Variants in C7orf33 observed in about 807,000 individuals in gnomAD.
The protein encoded by C7orf33 is uncharacterized protein C7orf33.
A neutral mutation model predicts 13.4 loss-of-function variants in C7orf33; 15 were observed. The ratio of observed to expected loss-of-function variants is 1.12; its 90% CI spans 0.75 to 1.72. The LOEUF (loss-of-function observed/expected upper bound fraction) is 1.72. Among genes scored for constraint, C7orf33 ranks in the 40% most tolerant of loss-of-function variants. The probability of loss-of-function intolerance (pLI) is 0.00; values close to 1 mark genes in which losing one functional copy is unlikely to be tolerated. For missense variants in C7orf33, 187 were observed against 220.3 expected (o/e 0.85, Z 0.96); for synonymous variants, 73 against 83.2 (o/e 0.88, Z 0.67).
intron 1 of C7orf33, among the ~76,000 whole-genome samples, chr7:148,602,413 A>G (rs1228555700): frequency 6.6e-6 from 1 of 152,150 alleles, no homozygotes; most frequent in Non-Finnish European, 1.5e-5. Context: ...CCTAGCCAAC[A>G]TAGTGAAACC....
intron 1 of C7orf33, among the ~76,000 whole-genome samples, chr7:148,606,143 G>C (rs988318590): frequency 2.0e-5 from 3 of 152,186 alleles, no homozygotes; most frequent in Non-Finnish European, 2.9e-5. Context: ...GACAGATAAG[G>C]CTCGCTCTGC....
intron 1 of C7orf33, among the ~76,000 whole-genome samples, chr7:148,600,019 G>T (rs1796394501): frequency 6.6e-6 from 1 of 152,196 alleles, no homozygotes; most frequent in African/African-American, 2.4e-5. Flanking sequence ...TCGATCCCTG[G>T]AAATGAACTT....
intron 1 of C7orf33, among the ~76,000 whole-genome samples, chr7:148,598,757 TATATATAGAGAGAGAGAGAGAGAGAG>T (rs1479422724): frequency 1.9e-3 from 78 of 41,318 alleles, no homozygotes; most frequent in African/African-American, 0.01. Flanking sequence ...TATATATATA[TATATATAGAGAGAGAGAGAGAGAGAG>T]AGAGAGAGAG....
chr7:148,613,920 T>C (rs1796573614), intron 1 of C7orf33, 122 bp from the exon 2 acceptor site: 1 of 1,020,146 alleles, frequency 9.8e-7, no homozygotes, highest in Admixed American at 2.3e-5. Flanking sequence ...ATCTTTAGGC[T>C]ATTTCATGTG....
chr7:148,595,324 T>C (rs1167110898), intron 1 of C7orf33, among the ~76,000 whole-genome samples: 1 of 140,036 alleles, frequency 7.1e-6, no homozygotes, highest in East Asian at 2.0e-4. Flanking sequence ...AATATAGATA[T>C]ATCTATATAA....
chr7:148,613,919 C>T (rs1796573579), intron 1 of C7orf33, 123 bp from the exon 2 acceptor site: 5 of 1,011,018 alleles, frequency 4.9e-6, no homozygotes, highest in East Asian at 2.4e-5. Context: ...AATCTTTAGG[C>T]TATTTCATGT....
At position 148,610,779 on chromosome 7, in the gene C7orf33, G is replaced by A. The variant is rs73463416; in HGVS notation, c.205-3263G>A. Among the ~76,000 whole-genome samples, 335 of 152,152 alleles carry A rather than the reference G, an allele frequency of 2.2e-3. 1 individual carries two copies. The highest frequency in any genetic ancestry group is 7.8e-3 in the African/African-American group (324 of 41,518). Reference sequence around the variant, plus strand: ...GGTAAAGGGACAGCAATGGGGCAGGGCTAGTTAAAAAACAAGATGAGAGCA... The same window carrying A: ...GGTAAAGGGACAGCAATGGGGCAGGACTAGTTAAAAAACAAGATGAGAGCA... On this transcript the variant is annotated intron_variant, in intron 1 of 2. Transcript: ENST00000307003.
chr7:148,595,088 T>A (rs1014827069), intron 1 of C7orf33, among the ~76,000 whole-genome samples: 1 of 151,758 alleles, frequency 6.6e-6, no homozygotes, highest in Non-Finnish European at 1.5e-5. Context: ...AGGTTTTCTT[T>A]TGTTTGTTTT....
chr7:148,610,481 A>G (rs547448327), intron 1 of C7orf33, among the ~76,000 whole-genome samples: 1 of 152,146 alleles, frequency 6.6e-6, no homozygotes, highest in South Asian at 2.1e-4. Flanking sequence ...TGGGACTCGG[A>G]CTGGCTGTCC....
At chr7:148,599,106 A>T (rs921204715) in intron 1 of C7orf33, among the ~76,000 whole-genome samples, 1 of 151,728 alleles carries the variant, frequency 6.6e-6, no homozygotes, top group Non-Finnish European at 1.5e-5. Flanking sequence ...CAAGTGATCC[A>T]CCCACCTACG....
rs758629105 is a variant in C7orf33 at position 148,615,411 on chromosome 7, A to G, written c.*10A>G. 5.1e-6 allele frequency: 8 copies of G among 1,560,500 alleles called. No individual in the cohort carries two copies. The Admixed American group carries it at 6.7e-5, about 13-fold the overall frequency. On this transcript the variant is annotated 3_prime_UTR_variant, in exon 3 of 3. Coordinates refer to ENST00000307003, the MANE Select transcript of C7orf33 (RefSeq NM_145304.4). ...AACTGACAGCAGTTAAGAATTTTGCAGAATCTAAGAGTCACATCTCTAAAT... is the reference window on the plus strand; with the variant it reads ...AACTGACAGCAGTTAAGAATTTTGCGGAATCTAAGAGTCACATCTCTAAAT...
At chr7:148,602,156 TCA>T (rs1796423746) in intron 1 of C7orf33, among the ~76,000 whole-genome samples, 1 of 152,258 alleles carries the variant, frequency 6.6e-6, no homozygotes, top group South Asian at 2.1e-4. Context: ...ATGATTTTTC[TCA>T]GTTTTTATAG....
intron 1 of C7orf33, among the ~76,000 whole-genome samples, chr7:148,597,118 A>G (rs1007666929): frequency 1.3e-5 from 2 of 152,004 alleles, no homozygotes; most frequent in Admixed American, 6.6e-5. Flanking sequence ...ACAGCTGCTT[A>G]CCAACATCTG....
chr7:148,607,319 G>A (rs1796485377), intron 1 of C7orf33, among the ~76,000 whole-genome samples: 3 of 152,064 alleles, frequency 2.0e-5, no homozygotes, highest in Admixed American at 1.3e-4. Context: ...TAAAAGACAG[G>A]GGCAGGATGT....
intron 1 of C7orf33, among the ~76,000 whole-genome samples, chr7:148,600,272 C>T (rs1796396897): frequency 1.3e-5 from 2 of 152,238 alleles, no homozygotes; most frequent in Admixed American, 6.5e-5. Context: ...AGTTCAAGAC[C>T]AGCCTGGCCA....
chr7:148,602,304 A>G (rs933870659), intron 1 of C7orf33, among the ~76,000 whole-genome samples: 34 of 152,108 alleles, frequency 2.2e-4, no homozygotes, highest in African/African-American at 6.8e-4. Flanking sequence ...ATTGATAATA[A>G]TAAGTTAAGG....
intron 1 of C7orf33, among the ~76,000 whole-genome samples, chr7:148,600,636 C>T (rs1585459040): frequency 6.6e-6 from 1 of 152,120 alleles, no homozygotes. Flanking sequence ...TTGTTATGCA[C>T]CTATATTCAT....
chr7:148,603,925 C>T (rs902579993), intron 1 of C7orf33, among the ~76,000 whole-genome samples: 4 of 152,140 alleles, frequency 2.6e-5, no homozygotes, highest in East Asian at 3.9e-4. Context: ...AGTCATTATA[C>T]GAAAAAGATA....
chr7:148,614,030 T>C lies in C7orf33; in HGVS notation c.205-12T>C. ...CTTTAACCCAATTTGTTTGTTTGTTTGTTTTTTCCAGAAGCCAAACCCACA... is the reference window on the plus strand; with the variant it reads ...CTTTAACCCAATTTGTTTGTTTGTTCGTTTTTTCCAGAAGCCAAACCCACA... On this transcript the variant is annotated splice_polypyrimidine_tract_variant and intron_variant, in intron 1 of 2. Transcript: ENST00000307003. 1 of 1,610,936 alleles carries C rather than the reference T, an allele frequency of 6.2e-7. No individual in the cohort carries two copies. The highest frequency in any genetic ancestry group is 8.5e-7 in the Non-Finnish European group (1 of 1,177,516).
Sources: gnomAD v4.1 joint callset for allele counts (sites outside exome capture counted in the v4.1 genomes callset) on GRCh38, gnomAD v4.1.1 for gene constraint, MANE v1.5 for transcripts, NCBI Gene and HGNC (gene_info 2026-07-23, HGNC 2026-07-21) for gene names.